MOCS1: variants seen among roughly 807,000 people sequenced by gnomAD.
The protein encoded by MOCS1 is molybdenum cofactor biosynthesis protein 1.
In MOCS1, 39 loss-of-function variants were observed where a neutral mutation model predicts 57.6. That is an observed-to-expected ratio of 0.68 (90% CI 0.52 to 0.88). The LOEUF (loss-of-function observed/expected upper bound fraction) is 0.88, where lower values mean the gene tolerates loss of function less well. Among genes scored for constraint, MOCS1 ranks in the 40% least tolerant of loss-of-function variants. The pLI, the probability that MOCS1 is intolerant of heterozygous loss-of-function variation, is 0.00. For missense variants in MOCS1, 795 were observed against 831.1 expected (o/e 0.96, Z 0.53); for synonymous variants, 334 against 335.7 (o/e 1.00, Z 0.05).
At position 39,906,547 on chromosome 6, in the gene MOCS1, G is replaced by T. The variant is rs755060371; in HGVS notation, c.1721C>A (p.Ala574Asp). ...VQLELDSTRHAVKIQASCRAR... is the reference protein window; with the variant it reads ...VQLELDSTRHDVKIQASCRAR... The stretch of plus-strand genomic sequence containing the variant: ...CCGGCAAGATGCCTGGATCTTCACG[G>T]CATGGCGTGTGCTGTCCAGCTCCAG... Residue 574 changes from alanine to aspartate, a missense_variant, in exon 11 of 11, where the codon GCC becomes GAC. This residue lies in a region of MOCS1 where 374 missense variants were observed against 422.6 expected (regional missense o/e 0.89). Transcript: ENST00000340692. 6.2e-7 allele frequency: 1 copy of T among 1,613,756 alleles called. No individual in the cohort carries two copies. The highest frequency in any genetic ancestry group is 1.7e-5 in the Admixed American group (1 of 60,038).
intron 3 of MOCS1, among the ~76,000 whole-genome samples, chr6:39,917,746 C>G (rs945607169): frequency 1.3e-5 from 2 of 152,128 alleles, no homozygotes; most frequent in African/African-American, 4.8e-5. Context: ...GAGGGAATAT[C>G]CTTATTGGGA....
At chr6:39,912,500 C>A in intron 7 of MOCS1, 126 bp from the exon 8 acceptor site, 1 of 738,112 alleles carries the variant, frequency 1.4e-6, no homozygotes. Context: ...CGTGAAGCTC[C>A]ACCCAAGGCC....
rs990062943 is a variant in MOCS1 at position 39,905,554 on chromosome 6, G to A, written c.*803C>T. On this transcript the variant is annotated 3_prime_UTR_variant, in exon 11 of 11. Transcript: ENST00000340692. ...GTTGGCATCGTAGCTTTATTTGTGC[G>A]CTGTGAGGGTGAAGGCAATCTATCA... 1.7e-5 allele frequency: 8 copies of A among 471,006 alleles called. No individual in the cohort carries two copies. The East Asian group carries it at 4.2e-4, about 25-fold the overall frequency. 29.2% of individuals were successfully genotyped at this position (471,006 alleles called of 1,614,324 possible).
chr6:39,927,510 G>T lies in MOCS1; in HGVS notation c.124-55C>A. On this transcript the variant is annotated intron_variant, in intron 1 of 10. Coordinates refer to ENST00000340692, the MANE Select transcript of MOCS1 (RefSeq NM_001358530.2). ...GGCCCCTGCTACCGGGCTGGGAAGA[G>T]GCACAAGGAGAACCGCCTGCCCCCT... 2.5e-6 allele frequency: 4 copies of T among 1,610,612 alleles called. No homozygotes were observed. The South Asian group carries it at 4.4e-5, about 18-fold the overall frequency.
rs1458719970 is a variant in MOCS1, at chr6:39,925,733, C to T, written c.363G>A (p.Lys121=). The T allele has an allele frequency of 1.2e-6, 2 of 1,612,846 alleles. No individual in the cohort carries two copies. Among genetic ancestry groups the T allele is most frequent in the South Asian group, 2.2e-5 (2 of 91,086 alleles). Residue 121 remains lysine, a synonymous_variant, in exon 3 of 11, where the codon AAG becomes AAA. Transcript: ENST00000340692. The part of the protein sequence containing the change: ...ARLFVKEGID[K]IRLTGGEPLI... Reference sequence around the variant, plus strand: ...GCGGCTCTCCACCTGTGAGCCGGATCTTGTCGATGCCTTCCTTCACAAAGA... The same window carrying T: ...GCGGCTCTCCACCTGTGAGCCGGATTTTGTCGATGCCTTCCTTCACAAAGA...
intron 4 of MOCS1, 54 bp from the exon 5 acceptor site, chr6:39,913,889 A>T (rs1005182772): frequency 7.1e-6 from 11 of 1,554,646 alleles, no homozygotes; most frequent in Non-Finnish European, 9.8e-6. Flanking sequence ...CTCTTCCCCC[A>T]CACCCCCACA....
At chr6:39,933,666 T>C (rs1346649628) in intron 1 of MOCS1, among the ~76,000 whole-genome samples, 1 of 152,214 alleles carries the variant, frequency 6.6e-6, no homozygotes. Flanking sequence ...TGGCAAGGAC[T>C]GAGGGATCTT....
In MOCS1 at chr6:39,909,055, C is replaced by T. The variant is rs751603831; in HGVS notation, c.1150G>A (p.Glu384Lys). The change falls in exon 10 of 11, where the codon GAG (glutamate) becomes AAG (lysine). Residue 384 changes from glutamate to lysine, a missense_variant and splice_region_variant. Transcript: ENST00000340692. ...GGTTACGTACTGATGGGTCACCCAC[C>T]GATGAGGATCATGGGCCGGTTCTTC... ...QMKNRPMILIELFLMFPNSPP... is the reference protein window; with the variant it reads ...QMKNRPMILIKLFLMFPNSPP... 1.9e-5 allele frequency: 31 copies of T among 1,610,870 alleles called. No individual in the cohort carries two copies. The highest frequency in any genetic ancestry group is 1.6e-4 in the Middle Eastern group (1 of 6,074).
intron 10 of MOCS1, 131 bp downstream of exon 10, chr6:39,908,924 G>A: frequency 1.2e-6 from 1 of 803,080 alleles, no homozygotes; most frequent in East Asian, 2.5e-5. Context: ...AGATGAAGGA[G>A]GAATAGAAGA....
rs779985831 is a variant in MOCS1 at position 39,911,761 on chromosome 6, G to A, written c.981+503C>T. ...ACTCTCACAGGCTATCTAGCCACGC[G>A]TGTGGCAAGGACTCTCGTGCTGCCA... On this transcript the variant is annotated intron_variant, in intron 8 of 10. Coordinates refer to ENST00000340692, the MANE Select transcript of MOCS1 (RefSeq NM_001358530.2). Among the ~76,000 whole-genome samples, 13 of 152,110 alleles carry A rather than the reference G, an allele frequency of 8.5e-5. 1 individual carries two copies. Among genetic ancestry groups the A allele is most frequent in the South Asian group, 2.1e-4 (1 of 4,828 alleles).
chr6:39,933,001 G>A (rs1233909534), intron 1 of MOCS1, among the ~76,000 whole-genome samples: 4 of 152,160 alleles, frequency 2.6e-5, no homozygotes. Flanking sequence ...AGTGTAAAGG[G>A]ATGGATAGGA....
At position 39,925,793 on chromosome 6, in the gene MOCS1, C is replaced by T; in HGVS notation, c.303G>A (p.Leu101=). The T allele has an allele frequency of 6.2e-7, 1 of 1,612,832 alleles. No homozygotes were observed. Among genetic ancestry groups the T allele is most frequent in the Non-Finnish European group, 8.5e-7 (1 of 1,179,982 alleles). The change falls in exon 3 of 11, where the codon CTG becomes CTA. Residue 101 remains leucine (L), a synonymous_variant. Coordinates refer to ENST00000340692, the MANE Select transcript of MOCS1 (RefSeq NM_001358530.2). Reference sequence around the variant, plus strand: ...GGGTCAGGATCTCCTCTGTGGTCAGCAGGTTGGCTTTGGGGGTCAGCGGGA... The same window carrying T: ...GGGTCAGGATCTCCTCTGTGGTCAGTAGGTTGGCTTTGGGGGTCAGCGGGA... ...EGVPLTPKAN[L]LTTEEILTLA...
Position 39,927,475 on chromosome 6 carries a change from A to G in MOCS1, c.124-20T>C. 6.2e-7 allele frequency: 1 copy of G among 1,610,002 alleles called. No individual in the cohort carries two copies. The highest frequency in any genetic ancestry group is 8.5e-7 in the Non-Finnish European group (1 of 1,178,348). ...CACCTCCTGCGAGGACAGACCAGGG[A>G]GGAAGCATGGGCCCCTGCTACCGGG... On this transcript the variant is annotated intron_variant, in intron 1 of 10. Coordinates refer to ENST00000340692, the MANE Select transcript of MOCS1 (RefSeq NM_001358530.2).
chr6:39,917,140 TG>T (rs2149408273), intron 3 of MOCS1, among the ~76,000 whole-genome samples: 1 of 152,292 alleles, frequency 6.6e-6, no homozygotes, highest in Non-Finnish European at 1.5e-5. Context: ...AAGAAATACC[TG>T]AGACTGGGTA....
chr6:39,931,943 G>T (rs1768664786), intron 1 of MOCS1, among the ~76,000 whole-genome samples: 1 of 152,102 alleles, frequency 6.6e-6, no homozygotes, highest in African/African-American at 2.4e-5. Flanking sequence ...CCAGATGCAG[G>T]CTGGCAGGTT....
chr6:39,934,094 G>A (rs901926538), intron 1 of MOCS1, among the ~76,000 whole-genome samples: 2 of 152,082 alleles, frequency 1.3e-5, no homozygotes, highest in African/African-American at 4.8e-5. Flanking sequence ...TTCTGAAGCG[G>A]GACTCCCAGG....
chr6:39,932,625 G>A (rs912113478), intron 1 of MOCS1, among the ~76,000 whole-genome samples: 1 of 152,220 alleles, frequency 6.6e-6, no homozygotes, highest in African/African-American at 2.4e-5. Flanking sequence ...CCAGTCTGCT[G>A]AAGATAATCC....
intron 3 of MOCS1, among the ~76,000 whole-genome samples, chr6:39,920,987 A>AG (rs559002614): frequency 1.7e-3 from 245 of 143,880 alleles, no homozygotes; most frequent in African/African-American, 4.2e-3. Flanking sequence ...CAAAAAAAAA[A>AG]GGGGGGGGGA....
Position 39,906,493 on chromosome 6 carries a change from T to G in MOCS1, c.1775A>C (p.Glu592Ala). 1 of 1,614,098 alleles carries G rather than the reference T, an allele frequency of 6.2e-7. No homozygotes were observed. Among genetic ancestry groups the G allele is most frequent in the Non-Finnish European group, 8.5e-7 (1 of 1,180,030 alleles). Residue 592 changes from glutamate to alanine, a missense_variant, in exon 11 of 11, where the codon GAG (glutamate) becomes GCG (alanine). Physicochemically the swap from Glu to Ala is moderately radical, Grantham distance 107. Transcript: ENST00000340692. The part of the protein sequence containing the change: ...RARGPTGVEM[E>A]ALTSAAVAAL... ...GGCCACTGCAGCAGAGGTCAGGGCC[T>G]CCATCTCCACCCCGGTGGGGCCCCG...
Sources: allele counts gnomAD v4.1 joint callset (sites outside exome capture counted in the v4.1 genomes callset), GRCh38; gene constraint gnomAD v4.1.1; regional missense constraint gnomAD v4.1.1; transcripts MANE v1.5; gene names NCBI Gene and HGNC (gene_info 2026-07-23, HGNC 2026-07-21).